Variants in CCDC7 observed in about 807,000 individuals in gnomAD.
CCDC7 encodes the protein coiled-coil domain containing 7, also known as coiled-coil domain-containing protein 7.
A neutral mutation model predicts 196.9 loss-of-function variants in CCDC7; 183 were observed. The observed-to-expected ratio is 0.93, with a 90% CI of 0.82 to 1.05. The LOEUF (loss-of-function observed/expected upper bound fraction) is 1.05, where lower values mean the gene tolerates loss of function less well. Ranked by LOEUF, CCDC7 falls within the 50% of genes least tolerant of loss-of-function variation. The pLI, the probability that CCDC7 is intolerant of heterozygous loss-of-function variation, is 0.00. For synonymous variants in CCDC7, 525 were observed against 484.6 expected (o/e 1.08, Z -1.10); for missense variants, 1,540 against 1,482.2 (o/e 1.04, Z -0.64).
intron 41 of CCDC7, among the ~76,000 whole-genome samples, chr10:32,871,143 T>G (rs2094414072): frequency 6.6e-6 from 1 of 152,200 alleles, no homozygotes; most frequent in Non-Finnish European, 1.5e-5. Flanking sequence ...TTCTCTCTTT[T>G]TCTATTGATT....
chr10:32,771,826 A>G (rs531195265), intron 28 of CCDC7, among the ~76,000 whole-genome samples: 3 of 152,204 alleles, frequency 2.0e-5, no homozygotes, highest in Non-Finnish European at 4.4e-5. Context: ...TGGTGCAGGC[A>G]GTAGTGATAG....
chr10:32,831,422 ATCTT>A (rs2092151918), intron 32 of CCDC7, among the ~76,000 whole-genome samples: 1 of 152,162 alleles, frequency 6.6e-6, no homozygotes, highest in Admixed American at 6.6e-5. Flanking sequence ...ATTTTTAAAA[ATCTT>A]TCCTTAAAAA....
intron 35 of CCDC7, 48 bp downstream of exon 36, chr10:32,845,674 C>T: frequency 2.0e-6 from 3 of 1,503,946 alleles, no homozygotes; most frequent in East Asian, 2.3e-5. Context: ...TATTTATATT[C>T]CTGGAGTTAA....
chr10:32,582,060 A>C (rs2058771214), intron 16 of CCDC7, among the ~76,000 whole-genome samples: 1 of 146,408 alleles, frequency 6.8e-6, no homozygotes. Context: ...ATGCCACTAC[A>C]AAAGTCTGTT....
intron 6 of CCDC7, among the ~76,000 whole-genome samples, 167 bp downstream of exon 7, chr10:32,471,397 G>A (rs544079347): frequency 3.5e-4 from 53 of 152,246 alleles, no homozygotes; most frequent in African/African-American, 1.1e-3. Context: ...AATCTGAGAT[G>A]TACAATACAG....
intron 5 of CCDC7, among the ~76,000 whole-genome samples, chr10:32,469,992 C>T (rs907325019): frequency 1.3e-4 from 20 of 152,110 alleles, no homozygotes; most frequent in Admixed American, 6.5e-5. Flanking sequence ...TTATGATTTG[C>T]GGCTTCTTAT....
intron 8 of CCDC7, among the ~76,000 whole-genome samples, chr10:32,482,266 G>C (rs2040108474): frequency 1.3e-5 from 2 of 151,900 alleles, no homozygotes; most frequent in Non-Finnish European, 2.9e-5. Flanking sequence ...TTGTGTCGTG[G>C]TGAAGTCTGG....
At chr10:32,748,457 T>C (rs1490677451) in intron 28 of CCDC7, among the ~76,000 whole-genome samples, 4 of 152,212 alleles carry the variant, frequency 2.6e-5, no homozygotes, top group Admixed American at 2.6e-4. Context: ...CTGTTGTATC[T>C]GAATTTAGTT....
At chr10:32,726,859 T>TAA (rs763538707) in intron 26 of CCDC7, 27 bp downstream of exon 27, 2 of 1,243,358 alleles carry the variant, frequency 1.6e-6, no homozygotes, top group Non-Finnish European at 2.3e-6. Context: ...TAGATGACTT[T>TAA]AAATTATTTT....
chr10:32,484,770 T>C (rs1013387469), intron 8 of CCDC7, among the ~76,000 whole-genome samples: 5 of 152,168 alleles, frequency 3.3e-5, no homozygotes, highest in African/African-American at 1.2e-4. Flanking sequence ...TGGTTTTTGT[T>C]GTTGGTTCTG....
intron 28 of CCDC7, among the ~76,000 whole-genome samples, chr10:32,753,328 A>C (rs2075941997): frequency 6.6e-6 from 1 of 152,056 alleles, no homozygotes; most frequent in Admixed American, 6.6e-5. Context: ...GATATTAAAC[A>C]AACCAGTTTT....
upstream of CCDC7, among the ~76,000 whole-genome samples, chr10:32,450,647 G>A (rs941511436): frequency 6.6e-6 from 1 of 152,102 alleles, no homozygotes; most frequent in African/African-American, 2.4e-5. Flanking sequence ...AGGAATAAAA[G>A]CCCAAGACCT....
chr10:32,704,161 A>C (rs1175397533), intron 24 of CCDC7, among the ~76,000 whole-genome samples: 1 of 152,028 alleles, frequency 6.6e-6, no homozygotes, highest in East Asian at 1.9e-4. Flanking sequence ...TTGGTATTTG[A>C]GGATGGCGAC....
At chr10:32,654,529 A>T (rs973733980) in intron 20 of CCDC7, among the ~76,000 whole-genome samples, 9 of 152,080 alleles carry the variant, frequency 5.9e-5, no homozygotes, top group African/African-American at 2.2e-4. Context: ...TGTAAAGTTT[A>T]TATATTTTGT....
At chr10:32,600,456 T>A (rs2060878957) in intron 18 of CCDC7, among the ~76,000 whole-genome samples, 1 of 152,168 alleles carries the variant, frequency 6.6e-6, no homozygotes, top group Non-Finnish European at 1.5e-5. Context: ...AGGAGTCTTT[T>A]TGGAGGAGTC....
chr10:32,759,257 T>G (rs1262047085), intron 28 of CCDC7, among the ~76,000 whole-genome samples: 1 of 152,150 alleles, frequency 6.6e-6, no homozygotes, highest in Non-Finnish European at 1.5e-5. Flanking sequence ...AAAGTTCATA[T>G]GGAACCAAAA....
Position 32,545,866 on chromosome 10 carries a change from A to G in CCDC7, c.1134+1565A>G, listed in dbSNP as rs528260191. Reference sequence around the variant, plus strand: ...GGCTGCAGTGAGCCGAGACCACACCACTGCACGCCAGCCTGGGCAACAGAG... The same window carrying G: ...GGCTGCAGTGAGCCGAGACCACACCGCTGCACGCCAGCCTGGGCAACAGAG... On this transcript the variant is annotated intron_variant, in intron 13 of 41. Transcript: ENST00000639629. 5.7e-5 allele frequency among the ~76,000 whole-genome samples: 8 copies of G among 139,916 alleles called. No homozygotes were observed. In the South Asian group the frequency reaches 1.9e-3, roughly 33 times the overall value. 91.8% of individuals were successfully genotyped at this position (139,916 alleles called of 152,430 possible). A position where few individuals can be genotyped will look rare whatever the true frequency, so the allele number is the denominator to read the frequency against.
intron 8 of CCDC7, among the ~76,000 whole-genome samples, chr10:32,491,158 ATATT>A (rs2042090625): frequency 6.6e-6 from 1 of 152,158 alleles, no homozygotes; most frequent in African/African-American, 2.4e-5. Flanking sequence ...CAGCTCCTAA[ATATT>A]TATTATTCTT....
chr10:32,787,335 C>A (rs1033587203), intron 29 of CCDC7, among the ~76,000 whole-genome samples: 1 of 151,832 alleles, frequency 6.6e-6, no homozygotes, highest in Non-Finnish European at 1.5e-5. Flanking sequence ...ATAAGATTTC[C>A]TAGTGCTTTT....
Sources: gnomAD v4.1 joint callset for allele counts (sites outside exome capture counted in the v4.1 genomes callset) on GRCh38, gnomAD v4.1.1 for gene constraint, MANE v1.5 for transcripts, NCBI Gene and HGNC (gene_info 2026-07-23, HGNC 2026-07-21) for gene names.